The following SNX8 variants were observed in gnomAD, a reference collection of about 807,000 sequenced individuals.
SNX8 encodes the protein sorting nexin-8.
Under a neutral mutation model 51.6 loss-of-function variants are expected in SNX8, and 25 were observed. The observed-to-expected ratio is 0.48, with a 90% CI of 0.35 to 0.68. SNX8 has a LOEUF of 0.68. SNX8 is among the 30% of genes least tolerant of loss of function. The probability of loss-of-function intolerance (pLI) is 0.00; values close to 1 mark genes in which losing one functional copy is unlikely to be tolerated. For missense variants in SNX8, 695 were observed against 624.0 expected, an observed-to-expected ratio of 1.11 and a Z score of -1.21; for synonymous variants, 324 against 277.0, an observed-to-expected ratio of 1.17 and a Z score of -1.68.
intron 1 of SNX8, among the ~76,000 whole-genome samples, chr7:2,326,860 C>A (rs948947265): frequency 6.6e-6 from 1 of 152,010 alleles, no homozygotes; most frequent in African/African-American, 2.4e-5. Flanking sequence ...AATCCCAGCA[C>A]TTTGGGAGGC....
intron 1 of SNX8, among the ~76,000 whole-genome samples, chr7:2,324,115 C>G (rs962784016): frequency 6.6e-6 from 1 of 151,024 alleles, no homozygotes; most frequent in Admixed American, 6.6e-5. Flanking sequence ...GGGCAAGACT[C>G]CATCTCAAAA....
At chr7:2,337,271 A>C (rs906038782) in intron 1 of SNX8, 7 of 152,214 alleles carry the variant, frequency 4.6e-5, no homozygotes, top group African/African-American at 1.7e-4. Flanking sequence ...CCCGGGCAAC[A>C]CAAGGAGACC....
At chr7:2,298,684 GTTTTTGT>G (rs1033044473) in intron 1 of SNX8, among the ~76,000 whole-genome samples, 26 of 150,162 alleles carry the variant, frequency 1.7e-4, no homozygotes, top group South Asian at 6.3e-4. Context: ...TTTTGGTTTT[GTTTTTGT>G]TTTTTGTTTT....
In SNX8 at chr7:2,254,957, G is replaced by A. The variant is rs990674552; in HGVS notation, c.*99C>T. The A allele has an allele frequency of 7.8e-5, 65 of 833,696 alleles. No individual in the cohort carries two copies. The highest frequency in any genetic ancestry group is 3.9e-4 in the South Asian group (27 of 69,024). The allele number at this position is 833,696 out of a possible 1,614,324, so 51.6% of individuals were successfully genotyped here. A position where few individuals can be genotyped will look rare whatever the true frequency, so the allele number is the denominator to read the frequency against. Reference sequence around the variant, plus strand: ...CTCCAGCTGCAGCACGGGGCGTGGCGGGGAGGGGAGCTGCCGTCCAAAGGG... The same window carrying A: ...CTCCAGCTGCAGCACGGGGCGTGGCAGGGAGGGGAGCTGCCGTCCAAAGGG... On this transcript the variant is annotated 3_prime_UTR_variant, in exon 11 of 11. Transcript: ENST00000222990.
chr7:2,340,300 G>A (rs1277995920), intron 1 of SNX8, among the ~76,000 whole-genome samples: 2 of 149,248 alleles, frequency 1.3e-5, no homozygotes, highest in Non-Finnish European at 3.0e-5. Flanking sequence ...TCGAACTCCC[G>A]ACCTCACGTG....
intron 1 of SNX8, among the ~76,000 whole-genome samples, chr7:2,323,854 T>C (rs1306646454): frequency 1.3e-5 from 2 of 152,058 alleles, no homozygotes; most frequent in Non-Finnish European, 2.9e-5. Flanking sequence ...TGCCCAGGCT[T>C]GAGTGCAGTG....
intron 1 of SNX8, among the ~76,000 whole-genome samples, chr7:2,296,216 G>GT (rs1796270019): frequency 6.6e-6 from 1 of 151,202 alleles, no homozygotes; most frequent in African/African-American, 2.5e-5. Context: ...AGCACGGGAT[G>GT]TTTTTCCATT....
At chr7:2,281,068 C>T (rs903034196) in intron 1 of SNX8, among the ~76,000 whole-genome samples, 1 of 152,026 alleles carries the variant, frequency 6.6e-6, no homozygotes, top group African/African-American at 2.4e-5. Flanking sequence ...GCTGGGATTA[C>T]AGGCATGAGA....
intron 1 of SNX8, among the ~76,000 whole-genome samples, chr7:2,329,734 T>C (rs1268057917): frequency 6.6e-6 from 1 of 151,992 alleles, no homozygotes; most frequent in African/African-American, 2.4e-5. Context: ...ACAGAGAAGG[T>C]TCCTGGAAAG....
chr7:2,262,978 G>A (rs1308676274), intron 7 of SNX8, among the ~76,000 whole-genome samples: 1 of 152,338 alleles, frequency 6.6e-6, no homozygotes, highest in South Asian at 2.1e-4. Flanking sequence ...AATTAGCCAG[G>A]CATGGTGGTG....
chr7:2,339,625 T>A (rs1418065464), intron 1 of SNX8, among the ~76,000 whole-genome samples: 2 of 152,190 alleles, frequency 1.3e-5, no homozygotes, highest in Non-Finnish European at 2.9e-5. Context: ...ATTTCCATTT[T>A]TTTTGAAATC....
chr7:2,290,001 T>C (rs1027004878), intron 1 of SNX8, among the ~76,000 whole-genome samples: 4 of 152,162 alleles, frequency 2.6e-5, no homozygotes, highest in Non-Finnish European at 4.4e-5. Flanking sequence ...AGTACCAGCC[T>C]GGCCAACATG....
At chr7:2,283,462 C>T (rs1795954866) in intron 1 of SNX8, among the ~76,000 whole-genome samples, 2 of 152,218 alleles carry the variant, frequency 1.3e-5, no homozygotes, top group Non-Finnish European at 2.9e-5. Context: ...CCTTCAGGGC[C>T]GGTGCTTTCA....
intron 7 of SNX8, among the ~76,000 whole-genome samples, chr7:2,259,683 G>C (rs1235139172): frequency 6.6e-6 from 1 of 152,222 alleles, no homozygotes; most frequent in African/African-American, 2.4e-5. Context: ...GAAGAGGTGT[G>C]TTAAGAGTTT....
At chr7:2,296,905 G>A (rs1021741310) in intron 1 of SNX8, among the ~76,000 whole-genome samples, 9 of 151,816 alleles carry the variant, frequency 5.9e-5, no homozygotes, top group African/African-American at 2.2e-4. Context: ...ACTCCAGCCT[G>A]GGCAACAAGA....
At chr7:2,314,663 G>A (rs907769464), upstream of SNX8, among the ~76,000 whole-genome samples, 6 of 152,170 alleles carry the variant, frequency 3.9e-5, no homozygotes, top group Admixed American at 2.6e-4. Context: ...TGGTGGCGCA[G>A]GTTACCTCCC....
At chr7:2,327,598 G>A (rs796369630) in intron 1 of SNX8, among the ~76,000 whole-genome samples, 7 of 152,208 alleles carry the variant, frequency 4.6e-5, no homozygotes, top group African/African-American at 1.7e-4. Context: ...TAGTAGAGAT[G>A]GGGTTTCACT....
chr7:2,338,397 G>C (rs967706180), intron 1 of SNX8, among the ~76,000 whole-genome samples: 1 of 151,824 alleles, frequency 6.6e-6, no homozygotes, highest in African/African-American at 2.4e-5. Context: ...GGGAGGCAGA[G>C]GTTGCAGTGA....
At chr7:2,273,327 G>C (rs751300379) in intron 3 of SNX8, among the ~76,000 whole-genome samples, 3 of 151,904 alleles carry the variant, frequency 2.0e-5, no homozygotes, top group Non-Finnish European at 4.4e-5. Flanking sequence ...GCTCACACCT[G>C]TAATCCCAGC....
Sources: gnomAD v4.1 joint callset for allele counts (sites outside exome capture counted in the v4.1 genomes callset) on GRCh38, gnomAD v4.1.1 for gene constraint, MANE v1.5 for transcripts, NCBI Gene and HGNC (gene_info 2026-07-23, HGNC 2026-07-21) for gene names.